TYW1: variants seen among roughly 807,000 people sequenced by gnomAD.
The protein encoded by TYW1 is tRNA-yW synthesizing protein 1 homolog.
A neutral mutation model predicts 96.2 loss-of-function variants in TYW1; 46 were observed. That is an observed-to-expected ratio of 0.48 (90% CI 0.38 to 0.61). The LOEUF is 0.61. TYW1 is among the 20% of genes least tolerant of loss of function. TYW1 has a pLI of 0.00. For missense variants in TYW1, 684 were observed against 909.6 expected (o/e 0.75, Z 3.19); for synonymous variants, 274 against 323.0 (o/e 0.85, Z 1.63).
Position 67,084,980 on chromosome 7 carries a change from A to G in TYW1, c.1384+1441A>G, listed in dbSNP as rs556933994. Among the ~76,000 whole-genome samples, 17 of 152,258 alleles carry G rather than the reference A, an allele frequency of 1.1e-4. No homozygotes were observed. The East Asian group carries it at 3.1e-3, about 28-fold the overall frequency. On this transcript the variant is annotated intron_variant, in intron 11 of 15. Transcript: ENST00000359626. Reference sequence around the variant, plus strand: ...CTCTATGCTCTGGTCTCTACCTACCACTGGTGATTCCTTCTCTCCTGTATT... The same window carrying G: ...CTCTATGCTCTGGTCTCTACCTACCGCTGGTGATTCCTTCTCTCCTGTATT...
At chr7:67,064,632 G>C (rs1032233606) in intron 9 of TYW1, among the ~76,000 whole-genome samples, 2 of 152,170 alleles carry the variant, frequency 1.3e-5, no homozygotes, top group African/African-American at 4.8e-5. Context: ...AAACCCATCG[G>C]ATCTTGTGAG....
intron 14 of TYW1, among the ~76,000 whole-genome samples, chr7:67,190,812 C>T (rs1307721609): frequency 1.3e-5 from 2 of 152,132 alleles, no homozygotes; most frequent in African/African-American, 2.4e-5. Flanking sequence ...TTTATTTTCT[C>T]ATCAAACTAT....
chr7:67,057,659 C>T (rs956791681), intron 9 of TYW1, among the ~76,000 whole-genome samples: 4 of 152,198 alleles, frequency 2.6e-5, no homozygotes, highest in African/African-American at 9.7e-5. Flanking sequence ...GCGTGAGCCA[C>T]CATGCCCAGC....
chr7:67,102,308 T>G (rs565823826), intron 12 of TYW1, among the ~76,000 whole-genome samples: 5 of 152,298 alleles, frequency 3.3e-5, no homozygotes, highest in African/African-American at 1.2e-4. Context: ...ATTTGGTAGA[T>G]GTTATCGAGT....
intron 13 of TYW1, among the ~76,000 whole-genome samples, chr7:67,134,945 CA>C (rs55746054): frequency 0.31 from 20,469 of 66,190 alleles, 1,461 homozygotes; most frequent in Middle Eastern, 0.42. Context: ...CTTTCTCTAC[CA>C]AAAAAAAAAA....
intron 7 of TYW1, among the ~76,000 whole-genome samples, chr7:67,028,088 A>C (rs553900042): frequency 3.4e-5 from 5 of 148,886 alleles, no homozygotes; most frequent in Non-Finnish European, 7.4e-5. Context: ...ATACAAAAAA[A>C]ATAAGCTGGG....
chr7:67,031,241 G>A (rs1249672706), intron 7 of TYW1, among the ~76,000 whole-genome samples: 4 of 141,418 alleles, frequency 2.8e-5, no homozygotes, highest in South Asian at 2.3e-4. Flanking sequence ...AACAGGAGGC[G>A]TGTTGTGTAG....
At chr7:67,208,372 C>A (rs1264044703) in intron 15 of TYW1, among the ~76,000 whole-genome samples, 2 of 151,468 alleles carry the variant, frequency 1.3e-5, no homozygotes, top group Admixed American at 6.6e-5. Context: ...CCACATAATC[C>A]AAAATGTAAA....
intron 7 of TYW1, among the ~76,000 whole-genome samples, chr7:67,047,683 G>A (rs1277985929): frequency 6.9e-6 from 1 of 145,676 alleles, no homozygotes; most frequent in Non-Finnish European, 1.5e-5. Context: ...ATTCTCTAAA[G>A]TACTTTTTTC....
At chr7:67,075,213 C>T (rs1407059278) in intron 10 of TYW1, among the ~76,000 whole-genome samples, 1 of 151,998 alleles carries the variant, frequency 6.6e-6, no homozygotes, top group African/African-American at 2.4e-5. Context: ...TGTATAGATA[C>T]CACATATTTA....
At chr7:67,001,973 G>C (rs1793408926) in intron 3 of TYW1, among the ~76,000 whole-genome samples, 1 of 151,724 alleles carries the variant, frequency 6.6e-6, no homozygotes, top group Admixed American at 6.6e-5. Flanking sequence ...GGTGGAGGTT[G>C]CAGTGAGCCT....
intron 11 of TYW1, among the ~76,000 whole-genome samples, chr7:67,095,711 CAG>C (rs56946066): frequency 0.15 from 16,548 of 108,342 alleles, 1,010 homozygotes; most frequent in African/African-American, 0.22. Flanking sequence ...GCAGCAGCAG[CAG>C]CAGCAGCCCC....
intron 13 of TYW1, among the ~76,000 whole-genome samples, chr7:67,143,226 A>G (rs1798505279): frequency 6.6e-6 from 1 of 152,152 alleles, no homozygotes; most frequent in Admixed American, 6.6e-5. Flanking sequence ...GCATATAGTT[A>G]CAACTGGGAT....
At chr7:67,180,893 C>G (rs184845819) in intron 13 of TYW1, among the ~76,000 whole-genome samples, 2 of 152,292 alleles carry the variant, frequency 1.3e-5, no homozygotes, top group East Asian at 3.9e-4. Context: ...AGCCACCCAC[C>G]TCGGCCTCCC....
intron 10 of TYW1, among the ~76,000 whole-genome samples, chr7:67,072,004 C>A (rs62466658): frequency 1.4e-5 from 2 of 142,742 alleles, no homozygotes; most frequent in African/African-American, 2.6e-5. Flanking sequence ...GCCTAAAGAT[C>A]GGGCAGAGGT....
chr7:67,101,077 G>GGT (rs1797073037), intron 12 of TYW1, among the ~76,000 whole-genome samples: 1 of 152,032 alleles, frequency 6.6e-6, no homozygotes. Context: ...AGGGAGAGGT[G>GGT]GTGTGTGTCT....
chr7:67,002,841 T>C (rs1793448802), intron 3 of TYW1, among the ~76,000 whole-genome samples: 1 of 131,944 alleles, frequency 7.6e-6, no homozygotes, highest in Non-Finnish European at 1.7e-5. Context: ...CTTTTTCTTT[T>C]TCTTTTTCTT....
In TYW1 at chr7:67,186,837, A is replaced by G. The variant is rs575323322; in HGVS notation, c.1809+3601A>G. ...AACAAAGTTTTCTTTCAAAATTTCC[A>G]TTTTACTATTTTGTCCTTGCATTCA... On this transcript the variant is annotated intron_variant, in intron 14 of 15. Transcript: ENST00000359626. Among the ~76,000 whole-genome samples, 7 of 152,118 alleles carry G rather than the reference A, an allele frequency of 4.6e-5. No individual in the cohort carries two copies. The South Asian group carries it at 1.5e-3, about 32-fold the overall frequency.
intron 13 of TYW1, among the ~76,000 whole-genome samples, chr7:67,181,429 A>C (rs956203295): frequency 4.6e-5 from 7 of 152,198 alleles, no homozygotes; most frequent in Non-Finnish European, 7.3e-5. Flanking sequence ...TTGAGTACAC[A>C]TGAGTAAATA....
Sources: allele counts gnomAD v4.1 joint callset (sites outside exome capture counted in the v4.1 genomes callset), GRCh38; gene constraint gnomAD v4.1.1; transcripts MANE v1.5; gene names NCBI Gene and HGNC (gene_info 2026-07-23, HGNC 2026-07-21).